The following C1orf146 variants were observed in gnomAD, a reference collection of about 807,000 sequenced individuals.
C1orf146 encodes the protein protein SPO16 homolog.
C1orf146 carries 22 observed loss-of-function variants against 23.0 expected under a neutral mutation model. The observed-to-expected ratio is 0.96, with a 90% CI of 0.68 to 1.36. The LOEUF is 1.36. Ranked by LOEUF, C1orf146 falls within the 40% of genes most tolerant of loss-of-function variation. The pLI is 0.00. For synonymous variants in C1orf146, 59 were observed against 65.3 expected (o/e 0.90, Z 0.47); for missense variants, 199 against 206.8 (o/e 0.96, Z 0.23).
Position 92,244,207 on chromosome 1 carries a change from C to T in C1orf146, c.161-10C>T, listed in dbSNP as rs1231539652. The T allele has an allele frequency of 6.4e-7, 1 of 1,559,500 alleles. No homozygotes were observed. ...AAAGTGACATTTTATATTCAATTCA[C>T]CTTTCCTAGGAGTTGCATTTTTATT... On this transcript the variant is annotated splice_polypyrimidine_tract_variant and intron_variant, in intron 3 of 5. Coordinates refer to ENST00000370375, the MANE Select transcript of C1orf146 (RefSeq NM_001012425.2).
chr1:92,236,041 C>A (rs866286571), intron 2 of C1orf146, among the ~76,000 whole-genome samples: 1 of 152,012 alleles, frequency 6.6e-6, no homozygotes, highest in Non-Finnish European at 1.5e-5. Context: ...TACAGCACAC[C>A]GATGGGTCTT....
At chr1:92,238,089 C>T (rs937076429) in intron 2 of C1orf146, among the ~76,000 whole-genome samples, 9 of 151,998 alleles carry the variant, frequency 5.9e-5, no homozygotes, top group Admixed American at 1.3e-4. Context: ...GCCACCACGC[C>T]GGCTAATTTT....
chr1:92,238,839 ACTCTT>A (rs1652359601), intron 2 of C1orf146, among the ~76,000 whole-genome samples: 1 of 151,264 alleles, frequency 6.6e-6, no homozygotes, highest in African/African-American at 2.4e-5. Context: ...TTCTGTCCAT[ACTCTT>A]CTCATATTTG....
At chr1:92,237,602 G>A (rs1049233346) in intron 2 of C1orf146, among the ~76,000 whole-genome samples, 28 of 152,286 alleles carry the variant, frequency 1.8e-4, no homozygotes, top group Admixed American at 6.5e-4. Flanking sequence ...CTCCAGCTGC[G>A]TGCTGGGAGA....
chr1:92,244,220 T>C lies in C1orf146; in HGVS notation c.164T>C (p.Val55Ala). 6.3e-7 allele frequency: 1 copy of C among 1,579,988 alleles called. No homozygotes were observed. The highest frequency in any genetic ancestry group is 2.2e-5 in the East Asian group (1 of 44,650). Residue 55 changes from valine (V) to alanine (A), a missense_variant, in exon 4 of 6, where the codon GTT becomes GCT. Physicochemically the swap from Val to Ala is moderately conservative, Grantham distance 64. Transcript: ENST00000370375. ...ATATTCAATTCACCTTTCCTAGGAG[T>C]TGCATTTTTATTAATGGATACTAAG... ...NGSIIFSLSG[V>A]AFLLMDTKEC...
intron 2 of C1orf146, among the ~76,000 whole-genome samples, chr1:92,241,187 C>CTTA (rs146597980): frequency 0.081 from 11,548 of 142,518 alleles, 502 homozygotes; most frequent in African/African-American, 0.097. Context: ...CTCCAAGTTG[C>CTTA]TTATTATTAT....
chr1:92,243,257 A>G (rs1306665485), intron 3 of C1orf146, among the ~76,000 whole-genome samples: 2 of 152,004 alleles, frequency 1.3e-5, no homozygotes, highest in African/African-American at 4.8e-5. Context: ...AAGAGCTATA[A>G]TCAAGTTTCC....
Position 92,244,834 on chromosome 1 carries a change from A to T in C1orf146, c.385A>T (p.Asn129Tyr). 1 of 1,605,626 alleles carries T rather than the reference A, an allele frequency of 6.2e-7. No individual in the cohort carries two copies. The highest frequency in any genetic ancestry group is 8.5e-7 in the Non-Finnish European group (1 of 1,173,134). Residue 129 changes from asparagine to tyrosine, a missense_variant, in exon 5 of 6, where the codon AAT becomes TAT. Physicochemically the swap from Asn to Tyr is moderately radical, Grantham distance 143. Coordinates refer to ENST00000370375, the MANE Select transcript of C1orf146 (RefSeq NM_001012425.2). ...AGTACACAACACAGTAAATGCTATT[A>T]ATCTTATGTGCACTATAGCAAAGGT... ...LPVHNTVNAI[N>Y]LMCTIAKTTS...
chr1:92,228,968 G>T, intron 1 of C1orf146: 1 of 443,670 alleles, frequency 2.3e-6, no homozygotes, highest in Non-Finnish European at 4.4e-6. Flanking sequence ...TTATACTTCT[G>T]AATTAACCCA....
In C1orf146 at chr1:92,242,083, T is replaced by C. The variant is rs1652443693; in HGVS notation, c.67-129T>C. 2.9e-5 allele frequency: 14 copies of C among 480,812 alleles called. No individual in the cohort carries two copies. In the South Asian group the frequency reaches 4.4e-4, roughly 15 times the overall value. The allele number at this position is 480,812 out of a possible 1,614,324, so 29.8% of individuals were successfully genotyped here. A position where few individuals can be genotyped will look rare whatever the true frequency, so the allele number is the denominator to read the frequency against. On this transcript the variant is annotated intron_variant, in intron 2 of 5. Coordinates refer to ENST00000370375, the MANE Select transcript of C1orf146 (RefSeq NM_001012425.2). ...TTTTCTCCATAGAAAGCATATTTATTTATCTTTTGATGATCATATCTTTAA... is the reference window on the plus strand; with the variant it reads ...TTTTCTCCATAGAAAGCATATTTATCTATCTTTTGATGATCATATCTTTAA...
At chr1:92,229,170 G>T in intron 1 of C1orf146, 1 of 531,902 alleles carries the variant, frequency 1.9e-6, no homozygotes, top group Admixed American at 2.1e-5. Flanking sequence ...GATCTTCATG[G>T]TGCTAGGTGC....
In C1orf146 at chr1:92,244,274, TTCTAGCCAA is replaced by T; in HGVS notation, c.219_227del (p.Phe73_Lys76delinsLeu). On this transcript the variant is annotated inframe_deletion, in exon 4 of 6. Transcript: ENST00000370375. Reference sequence around the variant, plus strand: ...TGTCTTCTGTCAACTGAAGAAATATTTCTAGCCAAAATTGAGAAATTTATTAACATTCAC... The same window carrying T: ...TGTCTTCTGTCAACTGAAGAAATATTAATTGAGAAATTTATTAACATTCAC... 6.2e-7 allele frequency: 1 copy of T among 1,609,836 alleles called. No individual in the cohort carries two copies. The highest frequency in any genetic ancestry group is 1.1e-5 in the South Asian group (1 of 90,662).
At chr1:92,244,691 CAA>C (rs1652533486) in intron 4 of C1orf146, 86 bp from the exon 5 acceptor site, 1 of 854,740 alleles carries the variant, frequency 1.2e-6, no homozygotes, top group Non-Finnish European at 1.9e-6. Flanking sequence ...AAATAACAAA[CAA>C]TAGAGATTTG....
chr1:92,225,819 A>G (rs1651951889), intron 1 of C1orf146, among the ~76,000 whole-genome samples: 1 of 151,888 alleles, frequency 6.6e-6, no homozygotes, highest in Non-Finnish European at 1.5e-5. Flanking sequence ...TTGTTTTTTT[A>G]TCAGTATAGC....
intron 1 of C1orf146, chr1:92,229,452 G>A (rs1420759257): frequency 7.9e-6 from 4 of 505,056 alleles, no homozygotes; most frequent in Admixed American, 6.6e-5. Flanking sequence ...GTCATCAGCT[G>A]TAGCTGTTCT....
At position 92,233,718 on chromosome 1, in the gene C1orf146, G is replaced by A. The variant is rs913596354; in HGVS notation, c.66+2232G>A. Among the ~76,000 whole-genome samples, 26 of 152,090 alleles carry A rather than the reference G, an allele frequency of 1.7e-4. 1 individual carries two copies. Among genetic ancestry groups the A allele is most frequent in the African/African-American group, 5.1e-4 (21 of 41,402 alleles). ...CCTTGGGCAGTATGGCCATTTTCCCGATATTGATTCTTCCTACCCATGAGC... is the reference window on the plus strand; with the variant it reads ...CCTTGGGCAGTATGGCCATTTTCCCAATATTGATTCTTCCTACCCATGAGC... On this transcript the variant is annotated intron_variant, in intron 2 of 5. Coordinates refer to ENST00000370375, the MANE Select transcript of C1orf146 (RefSeq NM_001012425.2).
chr1:92,223,986 G>T (rs1348892162), intron 1 of C1orf146, among the ~76,000 whole-genome samples: 2 of 151,228 alleles, frequency 1.3e-5, no homozygotes, highest in South Asian at 2.1e-4. Context: ...TGTTACTGGT[G>T]CAGTTTTGTT....
Position 92,245,539 on chromosome 1 carries a change from G to A in C1orf146, c.409-1G>A, listed in dbSNP as rs1480591373. The A allele has an allele frequency of 8.2e-6, 13 of 1,586,744 alleles. No individual in the cohort carries two copies. The highest frequency in any genetic ancestry group is 4.7e-5 in the South Asian group (4 of 85,792). On this transcript the variant is annotated splice_acceptor_variant, in intron 5 of 5. Coordinates refer to ENST00000370375, the MANE Select transcript of C1orf146 (RefSeq NM_001012425.2). LOFTEE classifies it high-confidence loss of function. ...TGCTGCATCTTTATATCTTCTTCCA[G>A]ACTACCTCCAAACCATACATAGATA...
Position 92,245,772 on chromosome 1 carries a change from G to C in C1orf146, c.*98G>C, listed in dbSNP as rs1046965535. On this transcript the variant is annotated 3_prime_UTR_variant, in exon 6 of 6. Transcript: ENST00000370375. ...TATTTAAAGACATTTATATTAATTT[G>C]AAATAATAACATATACAATTAAAAG... The C allele has an allele frequency of 8.1e-6, 6 of 743,210 alleles. No homozygotes were observed. Among genetic ancestry groups the C allele is most frequent in the Admixed American group, 7.4e-5 (2 of 27,096 alleles). The allele number at this position is 743,210 out of a possible 1,614,324, so 46.0% of individuals were successfully genotyped here. A position where few individuals can be genotyped will look rare whatever the true frequency, so the allele number is the denominator to read the frequency against.
Sources: gnomAD v4.1 joint callset for allele counts (sites outside exome capture counted in the v4.1 genomes callset) on GRCh38, gnomAD v4.1.1 for gene constraint, MANE v1.5 for transcripts, NCBI Gene and HGNC (gene_info 2026-07-23, HGNC 2026-07-21) for gene names.